Variants in SENP5 observed in about 807,000 individuals in gnomAD.
SENP5 encodes SUMO specific peptidase 5.
In SENP5, 21 loss-of-function variants were observed where a neutral mutation model predicts 74.2. That is an observed-to-expected ratio of 0.28 (90% confidence interval 0.20 to 0.41). The LOEUF is 0.41. Among genes scored for constraint, SENP5 ranks in the 10% least tolerant of loss-of-function variants. SENP5 has a pLI of 1.00. For missense variants in SENP5, 717 were observed against 889.1 expected, an observed-to-expected ratio of 0.81 and a Z score of 2.46; for synonymous variants, 311 against 312.7, an observed-to-expected ratio of 0.99 and a Z score of 0.06.
chr3:196,909,047 A>G (rs1577831473), intron 6 of SENP5, among the ~76,000 whole-genome samples: 1 of 152,172 alleles, frequency 6.6e-6, no homozygotes, highest in African/African-American at 2.4e-5. Context: ...AGAAGAATCA[A>G]ATAGACACAA....
chr3:196,882,654 C>T (rs1389708900), intron 1 of SENP5, among the ~76,000 whole-genome samples: 1 of 152,102 alleles, frequency 6.6e-6, no homozygotes, highest in Non-Finnish European at 1.5e-5. Flanking sequence ...CAGGCATGCA[C>T]CACCATGCCC....
chr3:196,927,710 C>T, intron 7 of SENP5, 86 bp from the exon 8 acceptor site: 1 of 742,606 alleles, frequency 1.3e-6, no homozygotes, highest in Admixed American at 2.2e-5. Context: ...ACAGCCTCCT[C>T]CTTTCCTTCT....
At chr3:196,889,126 AAAAT>A (rs1310365449) in intron 2 of SENP5, among the ~76,000 whole-genome samples, 1 of 151,978 alleles carries the variant, frequency 6.6e-6, no homozygotes, top group Non-Finnish European at 1.5e-5. Flanking sequence ...AAAAAAAATA[AAAAT>A]AAATAAATTA....
At chr3:196,927,512 T>C (rs1248053397) in intron 7 of SENP5, among the ~76,000 whole-genome samples, 3 of 152,068 alleles carry the variant, frequency 2.0e-5, no homozygotes, top group Non-Finnish European at 4.4e-5. Flanking sequence ...GGTGTACACC[T>C]ATAGTCCCAG....
chr3:196,874,138 CTT>C (rs1252286628), intron 1 of SENP5, among the ~76,000 whole-genome samples: 27 of 139,024 alleles, frequency 1.9e-4, no homozygotes, highest in African/African-American at 7.1e-4. Flanking sequence ...AGAATGAGAC[CTT>C]TTTTTTTTAA....
intron 6 of SENP5, among the ~76,000 whole-genome samples, chr3:196,903,848 T>G (rs1049645011): frequency 6.6e-6 from 1 of 152,226 alleles, no homozygotes; most frequent in Non-Finnish European, 1.5e-5. Context: ...CATCATTTGG[T>G]GTTATCTGGT....
chr3:196,885,974 C>T lies in SENP5; in HGVS notation c.793C>T (p.Arg265Ter), dbSNP rs996308782. The change falls in exon 2 of 10, where the codon CGA becomes TGA. Residue 265 changes from arginine to a stop codon, truncating the protein, a stop_gained. Transcript: ENST00000323460. LOFTEE classifies it high-confidence loss of function. ...GGTTTGCAAGCTAAGAAAAGCCCAGCGAAGCTGGGTACAGAAAGTCACTGG... is the reference window on the plus strand; with the variant it reads ...GGTTTGCAAGCTAAGAAAAGCCCAGTGAAGCTGGGTACAGAAAGTCACTGG... ...SKVCKLRKAQ[R>*]SWVQKVTGDH... 2.5e-6 allele frequency: 4 copies of T among 1,614,176 alleles called. No homozygotes were observed. Among genetic ancestry groups the T allele is most frequent in the East Asian group, 4.5e-5 (2 of 44,884 alleles).
chr3:196,925,743 AG>A (rs1205649520), intron 7 of SENP5, among the ~76,000 whole-genome samples: 1 of 152,248 alleles, frequency 6.6e-6, no homozygotes, highest in Non-Finnish European at 1.5e-5. Flanking sequence ...GGTTCTGCAC[AG>A]TAATAAAAAT....
intron 8 of SENP5, chr3:196,929,113 C>G (rs1715923933): frequency 6.5e-6 from 1 of 153,042 alleles, no homozygotes; most frequent in African/African-American, 2.4e-5. Context: ...TGAGATCGTG[C>G]CACTGCACTC....
rs1716156743 is a variant in SENP5, at chr3:196,934,179, GCTGTGCATTC to G, written c.*3257_*3266del. On this transcript the variant is annotated 3_prime_UTR_variant, in exon 10 of 10. Transcript: ENST00000323460. ...CAGTCATCCCCAAATTATGTTTTTG[GCTGTGCATTC>G]TATTTTCTACATAGCACTGAATCTG... 1 of 152,150 alleles carries G rather than the reference GCTGTGCATTC, an allele frequency of 6.6e-6. No individual in the cohort carries two copies. Among genetic ancestry groups the G allele is most frequent in the African/African-American group, 2.4e-5 (1 of 41,412 alleles). 9.4% of individuals were successfully genotyped at this position (152,150 alleles called of 1,614,324 possible). A position where few individuals can be genotyped will look rare whatever the true frequency, so the allele number is the denominator to read the frequency against.
intron 1 of SENP5, among the ~76,000 whole-genome samples, chr3:196,872,102 G>A (rs1240672031): frequency 6.6e-6 from 1 of 152,146 alleles, no homozygotes; most frequent in African/African-American, 2.4e-5. Flanking sequence ...TGGCTGCGCT[G>A]TGAACTTTCA....
At chr3:196,898,686 G>A (rs559734718) in intron 2 of SENP5, among the ~76,000 whole-genome samples, 2 of 152,068 alleles carry the variant, frequency 1.3e-5, no homozygotes, top group Admixed American at 6.6e-5. Context: ...AGGCCGAGGC[G>A]GGCGGATCAC....
rs1223856318 is a variant in SENP5, at chr3:196,886,598, T to A, written c.1417T>A (p.Cys473Ser). 3 of 1,613,046 alleles carry A rather than the reference T, an allele frequency of 1.9e-6. No homozygotes were observed. The highest frequency in any genetic ancestry group is 2.5e-6 in the Non-Finnish European group (3 of 1,179,680). Reference protein sequence around the residue: ...CKSPLEAPLVCSGLKLENQVG... With the variant: ...CKSPLEAPLVSSGLKLENQVG... Reference sequence around the variant, plus strand: ...AAGTCCACTGGAGGCTCCCTTGGTGTGCAGTGGACTCAAACTAGAAAATCA... The same window carrying A: ...AAGTCCACTGGAGGCTCCCTTGGTGAGCAGTGGACTCAAACTAGAAAATCA... Residue 473 changes from cysteine to serine, a missense_variant, in exon 2 of 10, where the codon TGC becomes AGC. Transcript: ENST00000323460.
At chr3:196,889,915 C>T (rs931482850) in intron 2 of SENP5, among the ~76,000 whole-genome samples, 6 of 152,178 alleles carry the variant, frequency 3.9e-5, no homozygotes, top group African/African-American at 1.4e-4. Flanking sequence ...GTTGGGGAAT[C>T]TCTCCCTGCC....
intron 6 of SENP5, chr3:196,912,726 C>T (rs1715188387): frequency 6.6e-6 from 1 of 152,048 alleles, no homozygotes. Flanking sequence ...AGGTACTAGG[C>T]AGCTGGGCGT....
chr3:196,867,921 G>A lies in SENP5; in HGVS notation c.-184G>A, dbSNP rs900162816. On this transcript the variant is annotated 5_prime_UTR_variant, in exon 1 of 10. Coordinates refer to ENST00000323460, the MANE Select transcript of SENP5 (RefSeq NM_152699.5). ...CGCCGGCGTCGCGGCAGCCGCTTCA[G>A]AGGAAGCTCGGCGGCTGTGGCCGCG... 1.3e-5 allele frequency: 2 copies of A among 152,232 alleles called. No homozygotes were observed. Among genetic ancestry groups the A allele is most frequent in the Non-Finnish European group, 2.9e-5 (2 of 68,066 alleles). The allele number at this position is 152,232 out of a possible 1,614,324, so 9.4% of individuals were successfully genotyped here.
At chr3:196,898,681 G>A (rs1490802018) in intron 2 of SENP5, among the ~76,000 whole-genome samples, 4 of 152,092 alleles carry the variant, frequency 2.6e-5, no homozygotes, top group Admixed American at 2.6e-4. Flanking sequence ...TTCTGAGGCC[G>A]AGGCGGGCGG....
chr3:196,903,464 C>A (rs1714782103), intron 5 of SENP5, 69 bp from the exon 6 acceptor site: 5 of 955,134 alleles, frequency 5.2e-6, no homozygotes, highest in Non-Finnish European at 4.7e-6. Flanking sequence ...TTTAAAATTT[C>A]CTCTTTTGAA....
chr3:196,929,872 C>G (rs570632850), intron 9 of SENP5, among the ~76,000 whole-genome samples, 189 bp downstream of exon 9: 4 of 152,160 alleles, frequency 2.6e-5, no homozygotes, highest in Middle Eastern at 3.4e-3. Context: ...GAAGAACCAC[C>G]TTCCAGGGAT....
Sources: gnomAD v4.1 joint callset for allele counts (sites outside exome capture counted in the v4.1 genomes callset) on GRCh38, gnomAD v4.1.1 for gene constraint, MANE v1.5 for transcripts, NCBI Gene and HGNC (gene_info 2026-07-23, HGNC 2026-07-21) for gene names.